Variants in FGFR3 observed in about 807,000 individuals in gnomAD.
FGFR3 encodes fibroblast growth factor receptor 3, also known as FGFR-3.
FGFR3 carries 25 observed loss-of-function variants against 82.9 expected under a neutral mutation model. The observed-to-expected ratio is 0.30, with a 90% confidence interval of 0.22 to 0.42. The LOEUF (loss-of-function observed/expected upper bound fraction) is 0.42. FGFR3 is among the 10% of genes least tolerant of loss of function. FGFR3 has a pLI of 1.00. For synonymous variants in FGFR3, 620 were observed against 516.0 expected (o/e 1.20, Z -2.73); for missense variants, 1,026 against 1,161.0 (o/e 0.88, Z 1.69).
Position 1,799,312 on chromosome 4 carries a change from T to C in FGFR3, c.168T>C (p.Ala56=), listed in dbSNP as rs1214719621. The change falls in exon 3 of 18, where the codon GCT becomes GCC. Residue 56 remains alanine (A), a synonymous_variant. Transcript: ENST00000440486. The part of the protein sequence containing the change: ...QEQLVFGSGD[A]VELSCPPPGG... ...AGTTGGTCTTCGGCAGCGGGGATGC[T>C]GTGGAGCTGAGCTGTCCCCCGCCCG... 6.2e-7 allele frequency: 1 copy of C among 1,612,658 alleles called. No individual in the cohort carries two copies. Among genetic ancestry groups the C allele is most frequent in the Admixed American group, 1.7e-5 (1 of 60,024 alleles).
rs369813768 is a variant in FGFR3, at chr4:1,806,629, A to G, written c.2114A>G (p.Lys705Arg). Residue 705 changes from lysine to arginine, a missense_variant, in exon 16 of 18, where the codon AAG becomes AGG. By Grantham distance (26) the Lys-to-Arg change is conservative (BLOSUM62 2). This residue lies in a region of FGFR3 where 155 missense variants were observed against 150.2 expected (regional missense o/e 1.03). Transcript: ENST00000440486. ...GGCATCCCTGTGGAGGAGCTCTTCA[A>G]GCTGCTGAAGGAGGGCCACCGCATG... ...YPGIPVEELF[K>R]LLKEGHRMDK... 7.4e-6 allele frequency: 12 copies of G among 1,612,898 alleles called. No individual in the cohort carries two copies. In the Admixed American group the frequency reaches 8.3e-5, roughly 11 times the overall value.
At chr4:1,803,159 C>A in intron 7 of FGFR3, 1 of 1,342,786 alleles carries the variant, frequency 7.4e-7, no homozygotes, top group Non-Finnish European at 9.7e-7. Context: ...GCCCTGCTCG[C>A]TCCCGCCCCG....
rs150892094 is a variant in FGFR3, at chr4:1,807,683, G to C, written c.*421G>C. On this transcript the variant is annotated 3_prime_UTR_variant, in exon 18 of 18. Coordinates refer to ENST00000440486, the MANE Select transcript of FGFR3 (RefSeq NM_000142.5). ...GGCCTCGGCCCCTCCCACACCCAAA[G>C]CTGAGCCTGCAGGGAAGCCCCACAT... The C allele has an allele frequency of 1.6e-6, 1 of 620,924 alleles. No individual in the cohort carries two copies. Among genetic ancestry groups the C allele is most frequent in the Admixed American group, 1.8e-5 (1 of 54,550 alleles). The allele number at this position is 620,924 out of a possible 1,614,324, so 38.5% of individuals were successfully genotyped here.
chr4:1,803,295 C>T, intron 7 of FGFR3: 1 of 549,072 alleles, frequency 1.8e-6, no homozygotes, highest in Admixed American at 3.9e-5. Flanking sequence ...ACAGGAGGTG[C>T]CCGGTGCCCA....
rs763472649 is a variant in FGFR3, at chr4:1,807,512, G to T, written c.*250G>T. ...GCTGCTGTGCAACGGTCTCCTGACT[G>T]GTGCTGCAGCACCGAGGGGCCTTTG... On this transcript the variant is annotated 3_prime_UTR_variant, in exon 18 of 18. Coordinates refer to ENST00000440486, the MANE Select transcript of FGFR3 (RefSeq NM_000142.5). 1 of 719,190 alleles carries T rather than the reference G, an allele frequency of 1.4e-6. No homozygotes were observed. The allele number at this position is 719,190 out of a possible 1,614,324, so 44.6% of individuals were successfully genotyped here. A position where few individuals can be genotyped will look rare whatever the true frequency, so the allele number is the denominator to read the frequency against.
At chr4:1,804,578 C>T (rs993947160) in intron 9 of FGFR3, 58 bp downstream of exon 9, 84 of 1,596,068 alleles carry the variant, frequency 5.3e-5, no homozygotes, top group Non-Finnish European at 6.9e-5. Context: ...TCCTGGAGCC[C>T]CACCTCGGCC....
At chr4:1,794,078 G>A in intron 2 of FGFR3, 35 bp downstream of exon 2, 4 of 1,242,442 alleles carry the variant, frequency 3.2e-6, no homozygotes, top group Non-Finnish European at 4.2e-6. Flanking sequence ...GGAGAGGCCG[G>A]CCCGTGCGGG....
chr4:1,802,303 G>A (rs1323770518), intron 7 of FGFR3, among the ~76,000 whole-genome samples: 1 of 152,196 alleles, frequency 6.6e-6, no homozygotes, highest in Non-Finnish European at 1.5e-5. Context: ...GGTGGGTGCG[G>A]CTTGGGCAGC....
chr4:1,797,245 C>A (rs946504795), intron 2 of FGFR3, among the ~76,000 whole-genome samples: 1 of 152,148 alleles, frequency 6.6e-6, no homozygotes, highest in Non-Finnish European at 1.5e-5. Flanking sequence ...GGGGCTCCAC[C>A]CAACTGCTGA....
In FGFR3 at chr4:1,805,489, C is replaced by A; in HGVS notation, c.1534+13C>A. ...AAGATGCTGAAAGGTGAGGAGGGGG[C>A]GGCCAGGGGTGCAGAGCAGGGCTGG... On this transcript the variant is annotated intron_variant, in intron 11 of 17. Transcript: ENST00000440486. The A allele has an allele frequency of 1.2e-6, 2 of 1,612,006 alleles. No homozygotes were observed. Among genetic ancestry groups the A allele is most frequent in the African/African-American group, 2.7e-5 (2 of 75,030 alleles).
At chr4:1,798,694 C>T (rs1720825171) in intron 2 of FGFR3, among the ~76,000 whole-genome samples, 2 of 152,122 alleles carry the variant, frequency 1.3e-5, no homozygotes, top group East Asian at 1.9e-4. Flanking sequence ...TTTTCAGGCT[C>T]ATATGGGGTG....
intron 7 of FGFR3, among the ~76,000 whole-genome samples, chr4:1,802,581 G>A (rs886733402): frequency 1.1e-4 from 17 of 152,358 alleles, no homozygotes; most frequent in African/African-American, 4.1e-4. Context: ...TGGGGGCGGG[G>A]AGCAGGCGCA....
At position 1,806,350 on chromosome 4, in the gene FGFR3, G is replaced by C. The variant is rs2108809593; in HGVS notation, c.2030+23G>C. 1.9e-6 allele frequency: 3 copies of C among 1,612,546 alleles called. No individual in the cohort carries two copies. The African/African-American group carries it at 4.0e-5, about 21-fold the overall frequency. On this transcript the variant is annotated intron_variant, in intron 15 of 17. Transcript: ENST00000440486. ...CGTGTACGTGTCCTGCAGAGCTCAG[G>C]CTTCAGGGGTGGAGGCGGGAACTGG...
Position 1,807,236 on chromosome 4 carries a change from C to G in FGFR3, c.2395C>G (p.Pro799Ala), listed in dbSNP as rs2108818475. The G allele has an allele frequency of 6.2e-7, 1 of 1,607,842 alleles. No individual in the cohort carries two copies. Among genetic ancestry groups the G allele is most frequent in the East Asian group, 2.2e-5 (1 of 44,646 alleles). The change falls in exon 18 of 18, where the codon CCC becomes GCC. Residue 799 changes from proline (P) to alanine (A), a missense_variant. Around this residue, in one of 9 missense-constraint regions of FGFR3, gnomAD observed 155 missense variants for 150.2 expected, o/e 1.03. Coordinates refer to ENST00000440486, the MANE Select transcript of FGFR3 (RefSeq NM_000142.5). ...FAHDLLPPAP[P>A]SSGGSRT ...CCACGACCTGCTGCCCCCGGCCCCACCCAGCAGTGGGGGCTCGCGGACGTG... is the reference window on the plus strand; with the variant it reads ...CCACGACCTGCTGCCCCCGGCCCCAGCCAGCAGTGGGGGCTCGCGGACGTG...
rs372656657 is a variant in FGFR3, at chr4:1,802,052, C to T, written c.930+27C>T. On this transcript the variant is annotated intron_variant, in intron 7 of 17. Coordinates refer to ENST00000440486, the MANE Select transcript of FGFR3 (RefSeq NM_000142.5). Reference sequence around the variant, plus strand: ...TGGGCCACCGTGTGCACGTGGGTGCCGCCGCTGGGGCTCCTGGGCTGGCCC... The same window carrying T: ...TGGGCCACCGTGTGCACGTGGGTGCTGCCGCTGGGGCTCCTGGGCTGGCCC... 211 of 1,599,788 alleles carry T rather than the reference C, an allele frequency of 1.3e-4. 1 individual carries two copies. Among genetic ancestry groups the T allele is most frequent in the South Asian group, 1.8e-4 (16 of 89,612 alleles).
At chr4:1,796,257 C>T (rs775151176) in intron 2 of FGFR3, among the ~76,000 whole-genome samples, 8 of 152,088 alleles carry the variant, frequency 5.3e-5, no homozygotes, top group East Asian at 1.9e-4. Context: ...CCAAGAGAAC[C>T]GATAATGGCA....
intron 7 of FGFR3, among the ~76,000 whole-genome samples, chr4:1,802,273 C>T (rs1362712285): frequency 2.0e-5 from 3 of 152,190 alleles, no homozygotes; most frequent in African/African-American, 7.2e-5. Context: ...TGACATGGAG[C>T]TGCCCACGGG....
chr4:1,800,780 G>A (rs1284904217), intron 4 of FGFR3, among the ~76,000 whole-genome samples: 1 of 152,192 alleles, frequency 6.6e-6, no homozygotes, highest in Admixed American at 6.5e-5. Context: ...TGAGGAAGGA[G>A]AAAAACCAGT....
At chr4:1,801,010 C>T (rs892976129) in intron 4 of FGFR3, among the ~76,000 whole-genome samples, 5 of 152,196 alleles carry the variant, frequency 3.3e-5, no homozygotes, top group Non-Finnish European at 7.3e-5. Context: ...CAGGTCCTGG[C>T]TTGTCCACTA....
Sources: gnomAD v4.1 joint callset for allele counts (sites outside exome capture counted in the v4.1 genomes callset) on GRCh38, gnomAD v4.1.1 for gene constraint, gnomAD v4.1.1 regional missense constraint, MANE v1.5 for transcripts, NCBI Gene and HGNC (gene_info 2026-07-23, HGNC 2026-07-21) for gene names.